MAP3K2: variants seen among roughly 807,000 people sequenced by gnomAD.
MAP3K2 encodes mitogen-activated protein kinase kinase kinase 2.
In MAP3K2, 24 loss-of-function variants were observed where a neutral mutation model predicts 80.3. The observed-to-expected ratio is 0.30, with a 90% CI of 0.22 to 0.42. MAP3K2 has a LOEUF of 0.42. Among genes scored for constraint, MAP3K2 ranks in the 10% least tolerant of loss-of-function variants. The pLI, the probability that MAP3K2 is intolerant of heterozygous loss-of-function variation, is 1.00. For synonymous variants in MAP3K2, 244 were observed against 253.7 expected (o/e 0.96, Z 0.36); for missense variants, 608 against 750.1 (o/e 0.81, Z 2.21).
intron 1 of MAP3K2, among the ~76,000 whole-genome samples, chr2:127,366,817 C>CAA (rs1428745462): frequency 6.1e-5 from 9 of 148,622 alleles, no homozygotes; most frequent in African/African-American, 2.2e-4. Context: ...TTCTAAGGCT[C>CAA]AATGCTTACT....
At chr2:127,363,962 CA>C (rs1233571366) in intron 1 of MAP3K2, among the ~76,000 whole-genome samples, 1 of 152,182 alleles carries the variant, frequency 6.6e-6, no homozygotes, top group Non-Finnish European at 1.5e-5. Flanking sequence ...AGCCAGGAAA[CA>C]CTACTTAGGT....
chr2:127,347,037 T>G (rs1017857052), intron 1 of MAP3K2, among the ~76,000 whole-genome samples: 8 of 151,764 alleles, frequency 5.3e-5, no homozygotes, highest in African/African-American at 1.9e-4. Flanking sequence ...CCAAATCATC[T>G]CAAAACATAC....
chr2:127,387,862 C>T lies in MAP3K2; in HGVS notation c.-476G>A, dbSNP rs1239903776. 2.0e-6 allele frequency: 2 copies of T among 981,966 alleles called. No homozygotes were observed. The highest frequency in any genetic ancestry group is 1.8e-5 in the African/African-American group (1 of 57,072). 60.8% of individuals were successfully genotyped at this position (981,966 alleles called of 1,614,324 possible). The stretch of plus-strand genomic sequence containing the variant: ...CGAGCGTCCTGGTCGTTGTTTTCGT[C>T]GCCGCCGCGGGCCGTGCAACCCCCG... On this transcript the variant is annotated 5_prime_UTR_variant, in exon 1 of 17. Transcript: ENST00000682094.
upstream of MAP3K2, chr2:127,388,144 A>G (rs2104915248): frequency 2.0e-6 from 2 of 984,724 alleles, no homozygotes; most frequent in East Asian, 1.1e-4. Flanking sequence ...CACCGGCCGG[A>G]CGGCGCGGGG....
rs1553514979 is a variant in MAP3K2, at chr2:127,303,326, G to GGA, written c.*4252_*4253insTC. ...TGTTTTCTTTAAAAGAGACACTGGG[G>GGA]AAAAAAAAAAAAAAGAACAAAAAAA... On this transcript the variant is annotated 3_prime_UTR_variant, in exon 17 of 17. Transcript: ENST00000682094. 2.9e-5 allele frequency: 4 copies of GGA among 138,104 alleles called. No individual in the cohort carries two copies. The highest frequency in any genetic ancestry group is 1.4e-4 in the Admixed American group (2 of 13,994). 8.6% of individuals were successfully genotyped at this position (138,104 alleles called of 1,614,324 possible). A position where few individuals can be genotyped will look rare whatever the true frequency, so the allele number is the denominator to read the frequency against.
At chr2:127,308,855 CTT>C (rs1393617400) in intron 15 of MAP3K2, 93 bp from the exon 16 acceptor site, 143 of 1,309,674 alleles carry the variant, frequency 1.1e-4, no homozygotes, top group Middle Eastern at 9.6e-4. Context: ...TTCATAGACT[CTT>C]TGATTTGTCC....
At chr2:127,354,304 T>A (rs1485179964) in intron 1 of MAP3K2, among the ~76,000 whole-genome samples, 1 of 151,444 alleles carries the variant, frequency 6.6e-6, no homozygotes, top group Non-Finnish European at 1.5e-5. Context: ...GCTGACTACT[T>A]TGAGTCTTCA....
chr2:127,367,204 C>CA lies in MAP3K2; in HGVS notation c.-66+20247dup, dbSNP rs1285250733. On this transcript the variant is annotated intron_variant, in intron 1 of 16. Transcript: ENST00000682094. ...TCACAGACTGGTTGGATTAATGTCA[C>CA]ATCATCTCTAAAAGTAGATTTTTAT... Among the ~76,000 whole-genome samples the CA allele has an allele frequency of 2.0e-5, 3 of 152,244 alleles. No individual in the cohort carries two copies. The East Asian group carries it at 5.8e-4, about 29-fold the overall frequency.
intron 6 of MAP3K2, 78 bp downstream of exon 6, chr2:127,330,314 T>A (rs1686228509): frequency 1.5e-6 from 1 of 670,570 alleles, no homozygotes; most frequent in Admixed American, 3.2e-5. Flanking sequence ...GATTATAGAA[T>A]ATAATTATGT....
intron 1 of MAP3K2, among the ~76,000 whole-genome samples, 180 bp downstream of exon 1, chr2:127,387,272 G>A (rs751599405): frequency 7.2e-5 from 11 of 152,050 alleles, no homozygotes; most frequent in East Asian, 1.9e-4. Context: ...TGGATGCAGG[G>A]GGCCCAAGGT....
At chr2:127,320,559 A>G (rs1685997903) in intron 12 of MAP3K2, among the ~76,000 whole-genome samples, 1 of 152,172 alleles carries the variant, frequency 6.6e-6, no homozygotes, top group African/African-American at 2.4e-5. Context: ...AGACAGAAAA[A>G]ATACTTGGAG....
At chr2:127,366,866 GTTTT>G (rs367670762) in intron 1 of MAP3K2, among the ~76,000 whole-genome samples, 5 of 85,124 alleles carry the variant, frequency 5.9e-5, no homozygotes, top group East Asian at 4.1e-4. Flanking sequence ...ACAGTCAAGG[GTTTT>G]TTTTTTTTTT....
At chr2:127,318,346 A>G in intron 12 of MAP3K2, 29 bp from the exon 13 acceptor site, 1 of 1,541,662 alleles carries the variant, frequency 6.5e-7, no homozygotes. Context: ...TTAAAGTGAA[A>G]TATCAAACAG....
intron 1 of MAP3K2, among the ~76,000 whole-genome samples, chr2:127,382,197 G>A (rs1389450990): frequency 3.9e-5 from 6 of 152,126 alleles, no homozygotes; most frequent in African/African-American, 1.4e-4. Flanking sequence ...AAGAAGTATC[G>A]CACCTAAGAA....
intron 2 of MAP3K2, among the ~76,000 whole-genome samples, chr2:127,340,157 A>C (rs1381408988): frequency 6.6e-6 from 1 of 152,190 alleles, no homozygotes; most frequent in Non-Finnish European, 1.5e-5. Flanking sequence ...TTGGTTTATT[A>C]ATTTATTAAT....
chr2:127,322,583 C>G lies in MAP3K2; in HGVS notation c.839-331G>C, dbSNP rs1686047079. Among the ~76,000 whole-genome samples the G allele has an allele frequency of 6.6e-6, 1 of 152,048 alleles. No homozygotes were observed. The highest frequency in any genetic ancestry group is 1.5e-5 in the Non-Finnish European group (1 of 67,996). ...TCTAAAACAAAGATGCAGAAGTTCA[C>G]AGGTAGTAATTTTTTTCTTTTCTTT... is the stretch of plus-strand genomic sequence containing the variant. On this transcript the variant is annotated intron_variant, in intron 11 of 16. Coordinates refer to ENST00000682094, the MANE Select transcript of MAP3K2 (RefSeq NM_001371910.2). This position sits in a 1 kb window ranked among gnomAD's most constrained non-coding sequence, Gnocchi z 4.2.
At chr2:127,328,337 A>G (rs890285810) in intron 7 of MAP3K2, among the ~76,000 whole-genome samples, 2 of 152,222 alleles carry the variant, frequency 1.3e-5, no homozygotes, top group African/African-American at 2.4e-5. Flanking sequence ...CCGTAATGTG[A>G]TAAGAAATGG....
chr2:127,345,918 A>C (rs576316354), intron 1 of MAP3K2, among the ~76,000 whole-genome samples: 14 of 152,282 alleles, frequency 9.2e-5, no homozygotes, highest in Admixed American at 2.6e-4. Flanking sequence ...ATGTCAAATC[A>C]ATAACCTAAC....
upstream of MAP3K2, chr2:127,388,077 G>A: frequency 1.0e-6 from 1 of 984,048 alleles, no homozygotes; most frequent in South Asian, 4.7e-5. Flanking sequence ...CCGGCCCAGG[G>A]GAGTGGGTCG....
Sources: gnomAD v4.1 joint callset for allele counts (sites outside exome capture counted in the v4.1 genomes callset) on GRCh38, gnomAD v4.1.1 for gene constraint, Gnocchi (gnomAD v3.1) non-coding constraint, MANE v1.5 for transcripts, NCBI Gene and HGNC (gene_info 2026-07-23, HGNC 2026-07-21) for gene names.